The following ZNF248 variants were observed in gnomAD, a reference collection of about 807,000 sequenced individuals.
ZNF248 encodes the protein zinc finger protein 248, also known as KRAB protein domain.
ZNF248 carries 20 observed loss-of-function variants against 44.3 expected under a neutral mutation model. The ratio of observed to expected loss-of-function variants is 0.45; its 90% CI spans 0.32 to 0.66. ZNF248 has a LOEUF of 0.66. Ranked by LOEUF, ZNF248 falls within the 30% of genes least tolerant of loss-of-function variation. ZNF248 has a pLI of 0.04. For synonymous variants in ZNF248, 224 were observed against 229.0 expected (o/e 0.98, Z 0.20); for missense variants, 654 against 677.0 (o/e 0.97, Z 0.38).
intron 6 of ZNF248, among the ~76,000 whole-genome samples, chr10:37,813,076 T>C (rs2051813304): frequency 1.3e-5 from 2 of 148,848 alleles, no homozygotes; most frequent in African/African-American, 4.9e-5. Flanking sequence ...TTTCAATACA[T>C]GGATCTTGGA....
At position 37,820,022 on chromosome 10, in the gene ZNF248, T is replaced by C. The variant is rs1030715173; in HGVS notation, c.330+13003A>G. On this transcript the variant is annotated intron_variant, in intron 6 of 6. Transcript: ENST00000615949. ...CATGCCATCTTCTCTTTTTGACTTTTCTATGAGGACTTTCTTGCTCATTGT... is the reference window on the plus strand; with the variant it reads ...CATGCCATCTTCTCTTTTTGACTTTCCTATGAGGACTTTCTTGCTCATTGT... 4 of 793,304 alleles carry C rather than the reference T, an allele frequency of 5.0e-6. No individual in the cohort carries two copies. In the African/African-American group the frequency reaches 6.8e-5, roughly 13 times the overall value. 49.1% of individuals were successfully genotyped at this position (793,304 alleles called of 1,614,324 possible). A position where few individuals can be genotyped will look rare whatever the true frequency, so the allele number is the denominator to read the frequency against.
At chr10:37,823,590 T>C (rs966920905) in intron 6 of ZNF248, among the ~76,000 whole-genome samples, 4 of 152,012 alleles carry the variant, frequency 2.6e-5, no homozygotes, top group African/African-American at 9.7e-5. Flanking sequence ...TGGTTGTTTT[T>C]TGAGACAGAG....
At chr10:37,775,307 A>T (rs912615359), downstream of ZNF248, 1 of 121,320 alleles carries the variant, frequency 8.2e-6, no homozygotes, top group Admixed American at 9.9e-5. Context: ...TTATCATTTT[A>T]TGCAATGGAA....
intron 6 of ZNF248, among the ~76,000 whole-genome samples, chr10:37,783,085 G>A (rs2047502007): frequency 6.6e-6 from 1 of 152,094 alleles, no homozygotes; most frequent in South Asian, 2.1e-4. Context: ...CCTTTTTTGG[G>A]TATGGCACAA....
downstream of ZNF248, chr10:37,776,421 G>T: frequency 5.1e-6 from 2 of 391,548 alleles, no homozygotes; most frequent in Non-Finnish European, 9.0e-6. Flanking sequence ...AAACTGTCAG[G>T]CTCTGCCCTT....
chr10:37,832,409 G>C lies in ZNF248; in HGVS notation c.946C>G (p.Gln316Glu). 3.1e-6 allele frequency: 5 copies of C among 1,613,942 alleles called. No homozygotes were observed. The highest frequency in any genetic ancestry group is 1.6e-4 in the Middle Eastern group (1 of 6,062). ...FCDNSAFIIH[Q>E]GAYTRKILRE... ...AGAATCTTTCTTGTGTAAGCTCCCT[G>C]ATGGATAATGAAAGCTGAATTGTCA... Residue 316 changes from glutamine (Q) to glutamate (E), a missense_variant, in exon 6 of 6, where the codon CAG (glutamine) becomes GAG (glutamate). Physicochemically the swap from Gln to Glu is conservative, Grantham distance 29 (BLOSUM62 2). Coordinates refer to ENST00000395867, the MANE Select transcript of ZNF248 (RefSeq NM_021045.3).
At chr10:37,824,019 T>C (rs1016165953), downstream of ZNF248, among the ~76,000 whole-genome samples, 3 of 152,178 alleles carry the variant, frequency 2.0e-5, no homozygotes, top group East Asian at 5.8e-4. Context: ...ATAAGATGTA[T>C]ATATAGAAAG....
At chr10:37,797,961 T>C (rs1430552112) in intron 6 of ZNF248, among the ~76,000 whole-genome samples, 1 of 152,114 alleles carries the variant, frequency 6.6e-6, no homozygotes, top group Non-Finnish European at 1.5e-5. Flanking sequence ...CTCCTAGGTA[T>C]ATATCCAGAG....
chr10:37,763,729 G>A, the ZNF248 span, among the ~76,000 whole-genome samples: 120 of 152,286 alleles, frequency 7.9e-4, no homozygotes, highest in East Asian at 2.9e-3. Flanking sequence ...CAGAGGGACC[G>A]GCTGAAGCCA....
chr10:37,850,231 A>G (rs2060004207), intron 3 of ZNF248, among the ~76,000 whole-genome samples: 1 of 152,248 alleles, frequency 6.6e-6, no homozygotes, highest in African/African-American at 2.4e-5. Context: ...TTGCAATTCA[A>G]CAAGATTTAG....
intron 6 of ZNF248, among the ~76,000 whole-genome samples, chr10:37,801,128 G>A (rs1184048289): frequency 1.3e-5 from 2 of 151,888 alleles, no homozygotes; most frequent in Non-Finnish European, 2.9e-5. Flanking sequence ...TATAATCCCA[G>A]CACCTTGGGA....
chr10:37,780,442 C>G lies in ZNF248; in HGVS notation c.331-3867G>C, dbSNP rs376942544. 5.3e-5 allele frequency among the ~76,000 whole-genome samples: 8 copies of G among 151,678 alleles called. No homozygotes were observed. The East Asian group carries it at 5.9e-4, about 11-fold the overall frequency. On this transcript the variant is annotated intron_variant, in intron 6 of 6. Transcript: ENST00000615949. Reference sequence around the variant, plus strand: ...AGGATTCCCTGTTTAATAAATGGTGCTTGGAAAACTGGCTAGCCATATGTA... The same window carrying G: ...AGGATTCCCTGTTTAATAAATGGTGGTTGGAAAACTGGCTAGCCATATGTA...
intron 6 of ZNF248, chr10:37,820,349 T>C (rs765433663): frequency 2.8e-6 from 4 of 1,405,112 alleles, no homozygotes; most frequent in Non-Finnish European, 4.0e-6. Context: ...CTCCCCTTTG[T>C]GCCAGCTGCT....
At chr10:37,769,041 C>T in the ZNF248 span, among the ~76,000 whole-genome samples, 22 of 152,184 alleles carry the variant, frequency 1.4e-4, no homozygotes, top group African/African-American at 2.4e-4. Context: ...AAAAATTCCT[C>T]GACACATACA....
Position 37,830,707 on chromosome 10 carries a change from A to G in ZNF248, c.*908T>C, listed in dbSNP as rs1343833237. On this transcript the variant is annotated 3_prime_UTR_variant, in exon 6 of 6. Coordinates refer to ENST00000395867, the MANE Select transcript of ZNF248 (RefSeq NM_021045.3). Reference sequence around the variant, plus strand: ...TTTCCATGGTGTAAACACTCCCACTAAGTCCAAGCTACCAAGACAGCACTG... The same window carrying G: ...TTTCCATGGTGTAAACACTCCCACTGAGTCCAAGCTACCAAGACAGCACTG... 10 of 644,038 alleles carry G rather than the reference A, an allele frequency of 1.6e-5. No homozygotes were observed. Among genetic ancestry groups the G allele is most frequent in the Non-Finnish European group, 1.9e-5 (10 of 518,330 alleles). The allele number at this position is 644,038 out of a possible 1,614,324, so 39.9% of individuals were successfully genotyped here.
intron 6 of ZNF248, among the ~76,000 whole-genome samples, chr10:37,817,007 G>C (rs911137649): frequency 1.3e-5 from 2 of 152,080 alleles, no homozygotes; most frequent in Non-Finnish European, 2.9e-5. Context: ...ATGGGGTCTG[G>C]GTGGAAGGGA....
At chr10:37,770,503 G>C in the ZNF248 span, among the ~76,000 whole-genome samples, 1 of 151,984 alleles carries the variant, frequency 6.6e-6, no homozygotes, top group Non-Finnish European at 1.5e-5. Flanking sequence ...ACAAACCTGA[G>C]AAAAACAAGC....
chr10:37,827,737 G>C (rs1208724), downstream of ZNF248, among the ~76,000 whole-genome samples: 2 of 152,086 alleles, frequency 1.3e-5, no homozygotes, highest in Admixed American at 1.3e-4. Flanking sequence ...TCACAGCCAC[G>C]GTCTCTGGTT....
chr10:37,762,387 G>A, the ZNF248 span, among the ~76,000 whole-genome samples: 1 of 152,178 alleles, frequency 6.6e-6, no homozygotes. Flanking sequence ...AAGAACTTAT[G>A]TTCAAGAATT....
Sources: allele counts gnomAD v4.1 joint callset (sites outside exome capture counted in the v4.1 genomes callset), GRCh38; gene constraint gnomAD v4.1.1; transcripts MANE v1.5; gene names NCBI Gene and HGNC (gene_info 2026-07-23, HGNC 2026-07-21).